NRG3: variants seen among roughly 807,000 people sequenced by gnomAD.
NRG3 encodes the protein pro-neuregulin-3, membrane-bound isoform.
In NRG3, 31 loss-of-function variants were observed where a neutral mutation model predicts 66.9. The ratio of observed to expected loss-of-function variants is 0.46; its 90% CI spans 0.35 to 0.63. The LOEUF (loss-of-function observed/expected upper bound fraction) is 0.63, where lower values mean the gene tolerates loss of function less well. Among genes scored for constraint, NRG3 ranks in the 20% least tolerant of loss-of-function variants. The pLI is 0.00. For synonymous variants in NRG3, 393 were observed against 359.4 expected, an observed-to-expected ratio of 1.09 and a Z score of -1.06; for missense variants, 910 against 878.9, an observed-to-expected ratio of 1.04 and a Z score of -0.45.
rs186791985 is a variant in NRG3, at chr10:82,396,099, T to A, written c.953+37231T>A. Among the ~76,000 whole-genome samples, 842 of 152,340 alleles carry A rather than the reference T, an allele frequency of 5.5e-3. 9 individuals carry two copies. The highest frequency in any genetic ancestry group is 0.016 in the African/African-American group (662 of 41,594). On this transcript the variant is annotated intron_variant, in intron 2 of 8. Transcript: ENST00000372141. ...ATGAGTTTTTTAAGCCTTGGCAAATTGCCATACTCCTTTCAAAGACTGGAT... is the reference window on the plus strand; with the variant it reads ...ATGAGTTTTTTAAGCCTTGGCAAATAGCCATACTCCTTTCAAAGACTGGAT...
chr10:81,945,040 C>G (rs1445929983), intron 1 of NRG3, among the ~76,000 whole-genome samples: 1 of 152,136 alleles, frequency 6.6e-6, no homozygotes, highest in Non-Finnish European at 1.5e-5. Flanking sequence ...CTCCCCCAGA[C>G]CTCCTTCCAC....
intron 2 of NRG3, among the ~76,000 whole-genome samples, chr10:82,728,322 C>A (rs985210849): frequency 6.6e-6 from 1 of 152,108 alleles, no homozygotes; most frequent in African/African-American, 2.4e-5. Context: ...TCCTGCAATT[C>A]CCACATGTCA....
At chr10:82,183,399 C>T (rs1371671487) in intron 1 of NRG3, among the ~76,000 whole-genome samples, 1 of 151,898 alleles carries the variant, frequency 6.6e-6, no homozygotes, top group Non-Finnish European at 1.5e-5. Flanking sequence ...GGTTCGTTAA[C>T]TCATATATCT....
chr10:82,526,916 A>G (rs1846757178), intron 2 of NRG3, among the ~76,000 whole-genome samples: 1 of 152,098 alleles, frequency 6.6e-6, no homozygotes, highest in South Asian at 2.1e-4. Flanking sequence ...ATCAAGTGCT[A>G]GGTGTGGTCA....
At chr10:82,413,213 A>G (rs2088248231) in intron 2 of NRG3, among the ~76,000 whole-genome samples, 1 of 152,206 alleles carries the variant, frequency 6.6e-6, no homozygotes, top group Non-Finnish European at 1.5e-5. Context: ...TTCTTAGATA[A>G]TAAAATTTGA....
At chr10:82,473,181 G>A (rs1841435854) in intron 2 of NRG3, among the ~76,000 whole-genome samples, 1 of 152,186 alleles carries the variant, frequency 6.6e-6, no homozygotes, top group South Asian at 2.1e-4. Context: ...TTGCTTTTCT[G>A]CAGTGTTCAC....
At chr10:82,959,698 C>G (rs553848333) in intron 6 of NRG3, among the ~76,000 whole-genome samples, 1 of 152,180 alleles carries the variant, frequency 6.6e-6, no homozygotes, top group South Asian at 2.1e-4. Context: ...TCAGAGAACT[C>G]CAAGTTAAGG....
chr10:82,117,251 C>G (rs574324929), intron 1 of NRG3, among the ~76,000 whole-genome samples: 1 of 152,096 alleles, frequency 6.6e-6, no homozygotes, highest in African/African-American at 2.4e-5. Flanking sequence ...CACATTTGTA[C>G]CATACCTTGA....
chr10:82,707,391 T>G (rs1050530116), intron 2 of NRG3, among the ~76,000 whole-genome samples: 4 of 151,900 alleles, frequency 2.6e-5, no homozygotes, highest in African/African-American at 9.7e-5. Context: ...GACAGGGTCT[T>G]GCTCTCTTTC....
chr10:82,674,836 T>A (rs955319192), intron 2 of NRG3, among the ~76,000 whole-genome samples: 3 of 150,376 alleles, frequency 2.0e-5, no homozygotes, highest in Non-Finnish European at 3.0e-5. Flanking sequence ...ATTCACATAA[T>A]TGCAGAAAAG....
chr10:81,877,864 A>C, intron 1 of NRG3: 1 of 1,516,866 alleles, frequency 6.6e-7, no homozygotes, highest in Non-Finnish European at 8.8e-7. Flanking sequence ...TAAAGGATTC[A>C]TGAGTGTATG....
chr10:82,416,205 T>C (rs992927608), intron 2 of NRG3, among the ~76,000 whole-genome samples: 1 of 152,192 alleles, frequency 6.6e-6, no homozygotes, highest in African/African-American at 2.4e-5. Context: ...CCAAACTCTT[T>C]AGTATGCAAT....
At chr10:81,921,273 G>A (rs1353730878) in intron 1 of NRG3, among the ~76,000 whole-genome samples, 1 of 151,892 alleles carries the variant, frequency 6.6e-6, no homozygotes, top group Non-Finnish European at 1.5e-5. Flanking sequence ...TTATTTATTT[G>A]TATATTCTTG....
chr10:82,807,881 T>C (rs532063634), intron 3 of NRG3, among the ~76,000 whole-genome samples: 2 of 152,180 alleles, frequency 1.3e-5, no homozygotes, highest in Non-Finnish European at 2.9e-5. Flanking sequence ...CATCTAATTT[T>C]CTTTGAAACA....
At chr10:82,184,253 G>T (rs2073644807) in intron 1 of NRG3, among the ~76,000 whole-genome samples, 1 of 152,126 alleles carries the variant, frequency 6.6e-6, no homozygotes, top group Non-Finnish European at 1.5e-5. Context: ...ACTGCTGGCT[G>T]CTTAGTACAA....
chr10:82,309,193 C>T (rs1009372271), intron 1 of NRG3, among the ~76,000 whole-genome samples: 2 of 152,166 alleles, frequency 1.3e-5, no homozygotes, highest in Non-Finnish European at 2.9e-5. Flanking sequence ...AAGGAGAGCA[C>T]AGATGTATTT....
intron 2 of NRG3, among the ~76,000 whole-genome samples, chr10:82,395,812 G>A (rs970925026): frequency 2.6e-5 from 4 of 152,092 alleles, no homozygotes; most frequent in Non-Finnish European, 5.9e-5. Context: ...TCAGTGCAAT[G>A]TGATTTTAAT....
intron 2 of NRG3, among the ~76,000 whole-genome samples, chr10:82,437,891 G>A (rs1010389943): frequency 7.2e-5 from 11 of 152,120 alleles, no homozygotes; most frequent in African/African-American, 2.7e-4. Context: ...GTCACTGAAG[G>A]AGCCTGGTGA....
chr10:82,125,776 A>T (rs75618163), intron 1 of NRG3, among the ~76,000 whole-genome samples: 1 of 151,958 alleles, frequency 6.6e-6, no homozygotes, highest in Non-Finnish European at 1.5e-5. Context: ...TCACTAGACC[A>T]TGCTTATATA....
Sources: allele counts gnomAD v4.1 joint callset (sites outside exome capture counted in the v4.1 genomes callset), GRCh38; gene constraint gnomAD v4.1.1; transcripts MANE v1.5; gene names NCBI Gene and HGNC (gene_info 2026-07-23, HGNC 2026-07-21).